Variants in ABCC12 observed in about 807,000 individuals in gnomAD.
The protein encoded by ABCC12 is ATP binding cassette subfamily C member 12.
Under a neutral mutation model 151.1 loss-of-function variants are expected in ABCC12, and 142 were observed. The observed-to-expected ratio is 0.94, with a 90% confidence interval of 0.82 to 1.08. ABCC12 has a LOEUF of 1.08. ABCC12 is among the 50% of genes least tolerant of loss of function. The pLI is 0.00. For missense variants in ABCC12, 1,638 were observed against 1,691.1 expected, an observed-to-expected ratio of 0.97 and a Z score of 0.55; for synonymous variants, 645 against 646.4, an observed-to-expected ratio of 1.00 and a Z score of 0.03.
At chr16:48,127,268 C>T (rs1331327796) in intron 11 of ABCC12, among the ~76,000 whole-genome samples, 1 of 152,076 alleles carries the variant, frequency 6.6e-6, no homozygotes, top group Non-Finnish European at 1.5e-5. Context: ...AATGTTGAGC[C>T]CTCTGCAGCA....
Position 48,141,186 on chromosome 16 carries a change from G to A in ABCC12, c.423+20C>T. 1 of 1,610,854 alleles carries A rather than the reference G, an allele frequency of 6.2e-7. No homozygotes were observed. Among genetic ancestry groups the A allele is most frequent in the Non-Finnish European group, 8.5e-7 (1 of 1,177,438 alleles). Reference sequence around the variant, plus strand: ...AGGCTGGGGACCTAGCAGATGAGGAGGAAGGGCTGCCGCACTCACCGGCCC... The same window carrying A: ...AGGCTGGGGACCTAGCAGATGAGGAAGAAGGGCTGCCGCACTCACCGGCCC... On this transcript the variant is annotated intron_variant, in intron 5 of 30. Transcript: ENST00000311303.
intron 14 of ABCC12, 137 bp downstream of exon 14, chr16:48,117,124 G>T: frequency 1.4e-6 from 1 of 730,244 alleles, no homozygotes; most frequent in Non-Finnish European, 2.2e-6. Flanking sequence ...AATTCAGAAT[G>T]GGTGGAACCT....
chr16:48,091,153 G>GA lies in ABCC12; in HGVS notation c.3251dup (p.Thr1085HisfsTer16). ...ATTCCCTGAGCAGCTCCACGGAGGT[G>GA]AATTTGGCTTGCGTCTCTGTTCCCG... On this transcript the variant is annotated frameshift_variant, in exon 25 of 31. Transcript: ENST00000311303. LOFTEE classifies it high-confidence loss of function. The GA allele has an allele frequency of 1.2e-6, 2 of 1,614,212 alleles. No homozygotes were observed. Among genetic ancestry groups the GA allele is most frequent in the Non-Finnish European group, 1.7e-6 (2 of 1,180,036 alleles).
chr16:48,154,493 T>A (rs1965157885), intron 1 of ABCC12, among the ~76,000 whole-genome samples: 1 of 152,210 alleles, frequency 6.6e-6, no homozygotes, highest in Non-Finnish European at 1.5e-5. Context: ...ATACATGCTT[T>A]AGTTTGCCAC....
At chr16:48,155,061 T>C (rs1458759500) in intron 1 of ABCC12, among the ~76,000 whole-genome samples, 1 of 152,202 alleles carries the variant, frequency 6.6e-6, no homozygotes, top group Non-Finnish European at 1.5e-5. Flanking sequence ...CCCAGGCACC[T>C]GTGGCAGCCA....
Position 48,138,267 on chromosome 16 carries a change from T to G in ABCC12, c.940A>C (p.Met314Leu). Reference sequence around the variant, plus strand: ...GTAAAAGATTTCTCCCAGGCATACATTTTGATCAGCCTGATGCAGGTCAGA... The same window carrying G: ...GTAAAAGATTTCTCCCAGGCATACAGTTTGATCAGCCTGATGCAGGTCAGA... ...EFLTCIRLIK[M>L]YAWEKSFTNT... The change falls in exon 8 of 31, where the codon ATG (methionine) becomes CTG (leucine). Residue 314 changes from methionine (M) to leucine (L), a missense_variant. Physicochemically the swap from Met to Leu is conservative, Grantham distance 15. Coordinates refer to ENST00000311303, the MANE Select transcript of ABCC12 (RefSeq NM_001393797.1). 1.2e-6 allele frequency: 2 copies of G among 1,612,520 alleles called. No homozygotes were observed. The highest frequency in any genetic ancestry group is 2.2e-5 in the East Asian group (1 of 44,838).
Position 48,117,306 on chromosome 16 carries a change from G to T in ABCC12, c.1740C>A (p.Gly580=). Residue 580 remains glycine (G), a synonymous_variant, in exon 14 of 31, where the codon GGC becomes GGA. Transcript: ENST00000311303. ...GGAGGTTGCTCAGGTCCTTCTGGAG[G>T]CCACAGACGCGGACTGTGTGCTGAT... is the stretch of plus-strand genomic sequence containing the variant. ...QRYQHTVRVC[G]LQKDLSNLPY... The T allele has an allele frequency of 6.2e-7, 1 of 1,613,938 alleles. No homozygotes were observed. Among genetic ancestry groups the T allele is most frequent in the African/African-American group, 1.3e-5 (1 of 75,056 alleles).
intron 13 of ABCC12, among the ~76,000 whole-genome samples, chr16:48,118,388 C>T (rs1411682841): frequency 6.6e-6 from 1 of 152,238 alleles, no homozygotes; most frequent in Non-Finnish European, 1.5e-5. Flanking sequence ...GGGGACCCAA[C>T]TCCTGCTCAG....
intron 24 of ABCC12, among the ~76,000 whole-genome samples, chr16:48,094,240 T>G (rs1963012818): frequency 6.6e-6 from 1 of 152,226 alleles, no homozygotes; most frequent in African/African-American, 2.4e-5. Context: ...GGAAAATTCA[T>G]TTTTCCCCAC....
chr16:48,145,675 G>GCCACATTACTGT (rs1964974007), intron 3 of ABCC12, among the ~76,000 whole-genome samples: 1 of 152,226 alleles, frequency 6.6e-6, no homozygotes, highest in Non-Finnish European at 1.5e-5. Flanking sequence ...ATTACTGTGT[G>GCCACATTACTGT]ACCGAGCCTG....
At chr16:48,094,945 T>C (rs925322518) in intron 24 of ABCC12, among the ~76,000 whole-genome samples, 2 of 151,802 alleles carry the variant, frequency 1.3e-5, no homozygotes, top group African/African-American at 2.4e-5. Context: ...AGGAGACAGA[T>C]GGACAAAACC....
intron 9 of ABCC12, among the ~76,000 whole-genome samples, chr16:48,132,621 C>T (rs1964466550): frequency 6.6e-6 from 1 of 151,920 alleles, no homozygotes; most frequent in South Asian, 2.1e-4. Context: ...AATCATTTTC[C>T]CTCTAGCTTA....
Position 48,138,356 on chromosome 16 carries a change from T to C in ABCC12, c.851A>G (p.Asn284Ser). 1 of 1,613,628 alleles carries C rather than the reference T, an allele frequency of 6.2e-7. No homozygotes were observed. Among genetic ancestry groups the C allele is most frequent in the Non-Finnish European group, 8.5e-7 (1 of 1,179,612 alleles). Residue 284 changes from asparagine (N) to serine (S), a missense_variant, in exon 8 of 31, where the codon AAT (asparagine) becomes AGT (serine). Transcript: ENST00000311303. ...IPVQMFMAKL[N>S]SAFRRSAILV... ...AATTGCTGACCTTCGGAAAGCTGAATTGAGCTTGGCCATAAACATCTGAAA... is the reference window on the plus strand; with the variant it reads ...AATTGCTGACCTTCGGAAAGCTGAACTGAGCTTGGCCATAAACATCTGAAA...
rs1369804626 is a variant in ABCC12 at position 48,133,723 on chromosome 16, G to A, written c.1092C>T (p.Cys364=). 2 of 1,613,928 alleles carry A rather than the reference G, an allele frequency of 1.2e-6. No homozygotes were observed. The highest frequency in any genetic ancestry group is 2.7e-5 in the African/African-American group (2 of 74,874). Residue 364 remains cysteine (C), a synonymous_variant, in exon 9 of 31, where the codon TGC becomes TGT. Transcript: ENST00000311303. ...TGAGTTTGCGTCTCAGGAGGATGTGGCAGGATAATGTCAGCACGATGGCTA... is the reference window on the plus strand; with the variant it reads ...TGAGTTTGCGTCTCAGGAGGATGTGACAGGATAATGTCAGCACGATGGCTA... The part of the protein sequence containing the change: ...STIAIVLTLS[C]HILLRRKLTA...
Position 48,083,647 on chromosome 16 carries a change from C to T in ABCC12, c.*68G>A. 3 of 1,524,190 alleles carry T rather than the reference C, an allele frequency of 2.0e-6. No individual in the cohort carries two copies. The highest frequency in any genetic ancestry group is 2.7e-6 in the Non-Finnish European group (3 of 1,107,438). The allele number at this position is 1,524,190 out of a possible 1,614,324, so 94.4% of individuals were successfully genotyped here. A position where few individuals can be genotyped will look rare whatever the true frequency, so the allele number is the denominator to read the frequency against. ...GCTGCCTGCGGAGAGGACAGCCCCT[C>T]CTCCTGAAGACTCCTCCTATTCATC... On this transcript the variant is annotated 3_prime_UTR_variant, in exon 31 of 31. Coordinates refer to ENST00000311303, the MANE Select transcript of ABCC12 (RefSeq NM_001393797.1).
intron 28 of ABCC12, chr16:48,086,240 T>C (rs1367386142): frequency 5.9e-6 from 1 of 170,220 alleles, no homozygotes; most frequent in Non-Finnish European, 1.3e-5. Context: ...GGGTTCCCTC[T>C]CACAGATGGT....
intron 2 of ABCC12, among the ~76,000 whole-genome samples, chr16:48,149,878 C>T (rs1217205647): frequency 6.6e-6 from 1 of 152,168 alleles, no homozygotes; most frequent in Non-Finnish European, 1.5e-5. Context: ...ACCACAATCA[C>T]AATAACAGCC....
At chr16:48,095,196 T>C (rs533122535) in intron 24 of ABCC12, among the ~76,000 whole-genome samples, 3 of 152,312 alleles carry the variant, frequency 2.0e-5, no homozygotes, top group South Asian at 2.1e-4. Flanking sequence ...GTTTCCCCCA[T>C]ACTGTTCTCA....
chr16:48,152,501 C>A (rs1270901300), intron 2 of ABCC12, among the ~76,000 whole-genome samples: 1 of 152,190 alleles, frequency 6.6e-6, no homozygotes, highest in Non-Finnish European at 1.5e-5. Flanking sequence ...CACTGCCCTG[C>A]CCTTGGTAAC....
Sources: allele counts gnomAD v4.1 joint callset (sites outside exome capture counted in the v4.1 genomes callset), GRCh38; gene constraint gnomAD v4.1.1; transcripts MANE v1.5; gene names NCBI Gene and HGNC (gene_info 2026-07-23, HGNC 2026-07-21).